SNX29: variants seen among roughly 807,000 people sequenced by gnomAD.
SNX29 encodes sorting nexin-29.
Under a neutral mutation model 102.1 loss-of-function variants are expected in SNX29, and 78 were observed. That is an observed-to-expected ratio of 0.76 (90% CI 0.64 to 0.92). The LOEUF (loss-of-function observed/expected upper bound fraction) is 0.92. Among genes scored for constraint, SNX29 ranks in the 40% least tolerant of loss-of-function variants. The pLI is 0.00. For synonymous variants in SNX29, 580 were observed against 414.5 expected (o/e 1.40, Z -4.85); for missense variants, 1,280 against 1,061.7 (o/e 1.21, Z -2.86).
intron 20 of SNX29, among the ~76,000 whole-genome samples, chr16:12,564,198 G>C (rs1403840318): frequency 6.8e-6 from 1 of 147,594 alleles, no homozygotes; most frequent in African/African-American, 2.5e-5. Context: ...GACCGTCCTG[G>C]GCACCATAGG....
At chr16:12,013,711 C>G (rs970505610) in intron 3 of SNX29, among the ~76,000 whole-genome samples, 1 of 151,004 alleles carries the variant, frequency 6.6e-6, no homozygotes, top group Non-Finnish European at 1.5e-5. Flanking sequence ...GTGGCATAAT[C>G]TTGGCTCACT....
At chr16:12,307,515 A>G (rs766970230) in intron 15 of SNX29, among the ~76,000 whole-genome samples, 8 of 152,174 alleles carry the variant, frequency 5.3e-5, no homozygotes, top group South Asian at 2.1e-4. Flanking sequence ...TCTGGGTACA[A>G]TTTTGTCCCC....
intron 11 of SNX29, among the ~76,000 whole-genome samples, chr16:12,117,915 G>A (rs1005321382): frequency 5.3e-5 from 8 of 152,052 alleles, no homozygotes; most frequent in African/African-American, 1.9e-4. Context: ...CTAACACAGT[G>A]AAACCCTGTC....
chr16:12,482,361 A>T (rs1451061004), intron 19 of SNX29, among the ~76,000 whole-genome samples: 1 of 150,252 alleles, frequency 6.7e-6, no homozygotes, highest in Non-Finnish European at 1.5e-5. Flanking sequence ...GAGTTCTGTG[A>T]TGCAATTGTA....
chr16:12,559,778 C>T (rs557290088), intron 20 of SNX29, among the ~76,000 whole-genome samples: 71 of 152,272 alleles, frequency 4.7e-4, no homozygotes, highest in African/African-American at 1.6e-3. Flanking sequence ...GAAAGCATTA[C>T]ACAGCACCTT....
intron 18 of SNX29, among the ~76,000 whole-genome samples, chr16:12,467,615 C>A (rs1000148114): frequency 7.1e-6 from 1 of 140,046 alleles, no homozygotes; most frequent in Non-Finnish European, 1.6e-5. Flanking sequence ...TTCGTTTGTT[C>A]GTTCGTTAGT....
chr16:12,435,050 C>G (rs959014540), intron 18 of SNX29, among the ~76,000 whole-genome samples: 1 of 151,750 alleles, frequency 6.6e-6, no homozygotes, highest in Non-Finnish European at 1.5e-5. Flanking sequence ...AGGAGCTTGA[C>G]CTTGGGCCAG....
chr16:12,275,789 T>C (rs1192696929), intron 14 of SNX29, among the ~76,000 whole-genome samples: 4 of 151,880 alleles, frequency 2.6e-5, no homozygotes, highest in African/African-American at 9.7e-5. Flanking sequence ...TATGAGGTAG[T>C]GTGTGATATT....
intron 19 of SNX29, chr16:12,515,723 G>A (rs1039107477): frequency 6.8e-5 from 29 of 423,904 alleles, no homozygotes; most frequent in African/African-American, 3.6e-4. Context: ...TCTAAGCTCC[G>A]GAGGGCAGGG....
At chr16:12,298,812 G>A (rs1320123524) in intron 15 of SNX29, among the ~76,000 whole-genome samples, 3 of 152,156 alleles carry the variant, frequency 2.0e-5, no homozygotes, top group Non-Finnish European at 4.4e-5. Flanking sequence ...ACAACAGTTA[G>A]AGTTGCTTTC....
chr16:12,146,956 G>A (rs1383476870), intron 13 of SNX29, among the ~76,000 whole-genome samples: 1 of 152,186 alleles, frequency 6.6e-6, no homozygotes, highest in Non-Finnish European at 1.5e-5. Flanking sequence ...CATAATGGGA[G>A]AGGAACAGAA....
intron 10 of SNX29, among the ~76,000 whole-genome samples, chr16:12,074,960 C>T (rs1368926045): frequency 6.6e-6 from 1 of 152,216 alleles, no homozygotes; most frequent in Admixed American, 6.5e-5. Flanking sequence ...ATCGCATCGG[C>T]TCCTGAGGCT....
At chr16:12,112,296 C>T (rs1203098492) in intron 11 of SNX29, among the ~76,000 whole-genome samples, 4 of 152,104 alleles carry the variant, frequency 2.6e-5, no homozygotes, top group South Asian at 2.1e-4. Context: ...GTGCTCCTGC[C>T]CCTACCTCCC....
chr16:12,507,862 C>G (rs2089446869), intron 19 of SNX29, among the ~76,000 whole-genome samples: 1 of 152,190 alleles, frequency 6.6e-6, no homozygotes, highest in Non-Finnish European at 1.5e-5. Flanking sequence ...TCTCCTTTCT[C>G]CAGTTCCCAG....
intron 20 of SNX29, among the ~76,000 whole-genome samples, chr16:12,564,877 CTG>C (rs1567214887): frequency 6.7e-6 from 1 of 149,332 alleles, no homozygotes; most frequent in East Asian, 2.0e-4. Context: ...GAATTTCACT[CTG>C]AGGATCCTGT....
At chr16:12,338,033 C>A (rs1056113401) in intron 15 of SNX29, among the ~76,000 whole-genome samples, 4 of 152,138 alleles carry the variant, frequency 2.6e-5, no homozygotes, top group African/African-American at 9.7e-5. Flanking sequence ...CGAGGAAGCA[C>A]CTGCATTTGG....
At chr16:12,464,859 T>C (rs7184853) in intron 18 of SNX29, among the ~76,000 whole-genome samples, 309 of 151,846 alleles carry the variant, frequency 2.0e-3, no homozygotes, top group African/African-American at 7.2e-3. Flanking sequence ...TATGATTTAC[T>C]TTCCTGCCAA....
chr16:11,999,392 G>C (rs751806327), intron 2 of SNX29, 34 bp downstream of exon 2: 2 of 1,605,852 alleles, frequency 1.2e-6, no homozygotes, highest in Non-Finnish European at 1.7e-6. Context: ...CTTTTTGGTC[G>C]AGTAATAGTG....
chr16:12,406,078 C>A (rs530800476), intron 18 of SNX29, among the ~76,000 whole-genome samples: 20 of 150,710 alleles, frequency 1.3e-4, no homozygotes, highest in African/African-American at 4.9e-4. Flanking sequence ...AAAGATTTGA[C>A]ATAATTTCTA....
Sources: gnomAD v4.1 joint callset for allele counts (sites outside exome capture counted in the v4.1 genomes callset) on GRCh38, gnomAD v4.1.1 for gene constraint, MANE v1.5 for transcripts, NCBI Gene and HGNC (gene_info 2026-07-23, HGNC 2026-07-21) for gene names.